The following GLRB variants were observed in gnomAD, a reference collection of about 807,000 sequenced individuals.
The protein encoded by GLRB is glycine receptor beta, also known as glycine receptor subunit beta.
Under a neutral mutation model 54.2 loss-of-function variants are expected in GLRB, and 33 were observed. The ratio of observed to expected loss-of-function variants is 0.61; its 90% CI spans 0.46 to 0.81. The LOEUF (loss-of-function observed/expected upper bound fraction) is 0.81. Ranked by LOEUF, GLRB falls within the 40% of genes least tolerant of loss-of-function variation. The pLI, the probability that GLRB is intolerant of heterozygous loss-of-function variation, is 0.00. For missense variants in GLRB, 572 were observed against 584.6 expected (o/e 0.98, Z 0.22); for synonymous variants, 209 against 208.2 (o/e 1.00, Z -0.03).
intron 8 of GLRB, among the ~76,000 whole-genome samples, chr4:157,145,661 G>A (rs901890079): frequency 8.5e-5 from 13 of 152,102 alleles, no homozygotes; most frequent in African/African-American, 3.1e-4. Context: ...GAGTATATAT[G>A]TTATTGGGAA....
intron 8 of GLRB, among the ~76,000 whole-genome samples, chr4:157,149,631 AC>A (rs2126595598): frequency 6.6e-6 from 1 of 152,210 alleles, no homozygotes; most frequent in South Asian, 2.1e-4. Flanking sequence ...TAATAGTAGT[AC>A]TTTTAAATGA....
intron 2 of GLRB, among the ~76,000 whole-genome samples, chr4:157,114,181 G>A (rs1560949967): frequency 1.3e-5 from 2 of 151,674 alleles, no homozygotes; most frequent in African/African-American, 2.4e-5. Context: ...CAGTAGCAGT[G>A]TTTTTTTCAT....
intron 4 of GLRB, among the ~76,000 whole-genome samples, chr4:157,134,370 A>T (rs1210179885): frequency 6.6e-6 from 1 of 152,010 alleles, no homozygotes; most frequent in Non-Finnish European, 1.5e-5. Flanking sequence ...CAGCCAGGCC[A>T]ACATAATGTG....
At chr4:157,153,159 A>G in intron 9 of GLRB, 149 bp downstream of exon 9, 1 of 764,244 alleles carries the variant, frequency 1.3e-6, no homozygotes, top group Non-Finnish European at 2.3e-6. Flanking sequence ...GCACAACACA[A>G]TTTTTGGGAA....
chr4:157,163,315 G>C (rs1737584221), intron 9 of GLRB, among the ~76,000 whole-genome samples: 1 of 151,804 alleles, frequency 6.6e-6, no homozygotes, highest in Non-Finnish European at 1.5e-5. Flanking sequence ...TGCTCCATGG[G>C]CTGCACCGAC....
At chr4:157,138,374 G>A (rs1045442995) in intron 6 of GLRB, among the ~76,000 whole-genome samples, 4 of 152,020 alleles carry the variant, frequency 2.6e-5, no homozygotes, top group Non-Finnish European at 5.9e-5. Flanking sequence ...GCACCAGGCC[G>A]ATTTCTTAAA....
At chr4:157,150,400 G>A (rs757703509) in intron 8 of GLRB, among the ~76,000 whole-genome samples, 17 of 151,892 alleles carry the variant, frequency 1.1e-4, no homozygotes, top group Admixed American at 3.3e-4. Context: ...GTTTCTAACC[G>A]AATGTGTGGA....
intron 9 of GLRB, among the ~76,000 whole-genome samples, chr4:157,165,989 A>G (rs1737693874): frequency 1.3e-5 from 2 of 152,182 alleles, no homozygotes; most frequent in Non-Finnish European, 1.5e-5. Context: ...CATTATTGAC[A>G]TGAAATCGTG....
intron 2 of GLRB, among the ~76,000 whole-genome samples, chr4:157,102,729 A>G (rs1253533246): frequency 6.6e-6 from 1 of 152,204 alleles, no homozygotes; most frequent in Non-Finnish European, 1.5e-5. Context: ...GGCCAAGTAT[A>G]TATATTCAGC....
At chr4:157,140,343 T>G (rs572741479) in intron 7 of GLRB, among the ~76,000 whole-genome samples, 8 of 151,930 alleles carry the variant, frequency 5.3e-5, no homozygotes, top group Non-Finnish European at 1.0e-4. Flanking sequence ...ACATTACTTA[T>G]TAAATTACTT....
chr4:157,138,828 T>G lies in GLRB; in HGVS notation c.630T>G (p.Asp210Glu). Residue 210 changes from aspartate to glutamate, a missense_variant, in exon 7 of 10, where the codon GAT becomes GAG. Coordinates refer to ENST00000264428, the MANE Select transcript of GLRB (RefSeq NM_000824.5). ...TTATAGTTGGTTACACAACTGATGA[T>G]TTACGATTTATCTGGCAGTCAGGAG... ...QLESFGYTTDDLRFIWQSGDP... is the reference protein window; with the variant it reads ...QLESFGYTTDELRFIWQSGDP... The G allele has an allele frequency of 6.4e-7, 1 of 1,556,492 alleles. No individual in the cohort carries two copies.
chr4:157,094,038 C>T (rs1314216258), intron 2 of GLRB, among the ~76,000 whole-genome samples: 2 of 152,162 alleles, frequency 1.3e-5, no homozygotes, highest in Non-Finnish European at 2.9e-5. Flanking sequence ...GTATATGTGA[C>T]ACACAAATAA....
intron 8 of GLRB, among the ~76,000 whole-genome samples, chr4:157,146,015 G>A (rs969785019): frequency 6.6e-6 from 1 of 151,492 alleles, no homozygotes; most frequent in African/African-American, 2.4e-5. Flanking sequence ...AAATCCTGAT[G>A]ATTTTGAGCT....
intron 8 of GLRB, among the ~76,000 whole-genome samples, chr4:157,150,246 C>A (rs11943801): frequency 0.052 from 7,916 of 152,092 alleles, 343 homozygotes; most frequent in African/African-American, 0.12. Context: ...TTATTTTTAG[C>A]TAGAAAATGC....
chr4:157,140,366 T>G (rs1266863266), intron 7 of GLRB, among the ~76,000 whole-genome samples: 1 of 151,936 alleles, frequency 6.6e-6, no homozygotes, highest in Non-Finnish European at 1.5e-5. Flanking sequence ...TACTGGTGAC[T>G]TATTACTTAT....
chr4:157,151,774 C>G (rs1215950826), intron 8 of GLRB, among the ~76,000 whole-genome samples: 1 of 151,884 alleles, frequency 6.6e-6, no homozygotes, highest in East Asian at 1.9e-4. Flanking sequence ...TACATTAATT[C>G]TCATAAGTGG....
intron 2 of GLRB, among the ~76,000 whole-genome samples, chr4:157,111,965 A>G (rs900668244): frequency 7.2e-5 from 11 of 151,816 alleles, no homozygotes; most frequent in African/African-American, 2.7e-4. Context: ...TTGGTGCCAC[A>G]CACTGCTGGA....
chr4:157,086,836 A>C (rs1250452346), intron 2 of GLRB, among the ~76,000 whole-genome samples: 2 of 152,236 alleles, frequency 1.3e-5, no homozygotes, highest in Non-Finnish European at 2.9e-5. Context: ...AAGTATTTAG[A>C]ACTTCTTTTT....
intron 7 of GLRB, among the ~76,000 whole-genome samples, chr4:157,142,181 T>C (rs1164946969): frequency 1.3e-5 from 2 of 152,058 alleles, no homozygotes; most frequent in Non-Finnish European, 2.9e-5. Flanking sequence ...TAGAAACATA[T>C]GTTCTTATTT....
Sources: gnomAD v4.1 joint callset for allele counts (sites outside exome capture counted in the v4.1 genomes callset) on GRCh38, gnomAD v4.1.1 for gene constraint, MANE v1.5 for transcripts, NCBI Gene and HGNC (gene_info 2026-07-23, HGNC 2026-07-21) for gene names.